The following ASIC2 variants were observed in gnomAD, a reference collection of about 807,000 sequenced individuals.
The protein encoded by ASIC2 is acid sensing ion channel subunit 2.
Under a neutral mutation model 57.3 loss-of-function variants are expected in ASIC2, and 25 were observed. The ratio of observed to expected loss-of-function variants is 0.44; its 90% CI spans 0.32 to 0.61. ASIC2 has a LOEUF of 0.61. Ranked by LOEUF, ASIC2 falls within the 20% of genes least tolerant of loss-of-function variation. ASIC2 has a pLI of 0.06. For missense variants in ASIC2, 641 were observed against 738.1 expected (o/e 0.87, Z 1.52); for synonymous variants, 319 against 307.5 (o/e 1.04, Z -0.39).
chr17:33,329,727 T>G (rs1485358256), intron 1 of ASIC2, among the ~76,000 whole-genome samples: 5 of 152,216 alleles, frequency 3.3e-5, no homozygotes, highest in Non-Finnish European at 5.9e-5. Flanking sequence ...TCACTTATCC[T>G]CTTTCAGTTC....
chr17:33,944,073 T>A (rs1316591393), intron 1 of ASIC2, among the ~76,000 whole-genome samples: 1 of 152,204 alleles, frequency 6.6e-6, no homozygotes, highest in Non-Finnish European at 1.5e-5. Flanking sequence ...AATTCTTGTC[T>A]TGAGGTTTTC....
At chr17:33,250,306 G>C (rs910769362) in intron 1 of ASIC2, among the ~76,000 whole-genome samples, 6 of 152,222 alleles carry the variant, frequency 3.9e-5, no homozygotes, top group African/African-American at 9.6e-5. Context: ...AGGAGCTGGG[G>C]TGTGGGTGGC....
intron 1 of ASIC2, among the ~76,000 whole-genome samples, chr17:33,647,923 G>C (rs1906796726): frequency 6.6e-6 from 1 of 152,158 alleles, no homozygotes; most frequent in Non-Finnish European, 1.5e-5. Flanking sequence ...CCTGGGAGAA[G>C]GGTCCTGGAT....
intron 1 of ASIC2, among the ~76,000 whole-genome samples, chr17:33,889,544 T>A (rs918405239): frequency 6.7e-6 from 1 of 149,288 alleles, no homozygotes; most frequent in Non-Finnish European, 1.5e-5. Flanking sequence ...TGGAAAACAA[T>A]TCTCTCAGTT....
chr17:33,573,719 C>T (rs1037154886), intron 1 of ASIC2, among the ~76,000 whole-genome samples: 1 of 152,136 alleles, frequency 6.6e-6, no homozygotes, highest in Non-Finnish European at 1.5e-5. Context: ...GTGCATACCA[C>T]CACGCCCCGC....
chr17:34,065,968 G>A (rs186957416), intron 1 of ASIC2, among the ~76,000 whole-genome samples: 9 of 152,196 alleles, frequency 5.9e-5, no homozygotes, highest in African/African-American at 2.2e-4. Flanking sequence ...GATAGTATTA[G>A]AACTGTCCAC....
At chr17:33,798,277 G>A (rs1277096847) in intron 1 of ASIC2, among the ~76,000 whole-genome samples, 1 of 152,202 alleles carries the variant, frequency 6.6e-6, no homozygotes, top group Non-Finnish European at 1.5e-5. Context: ...ATTCCTTAGA[G>A]CAGGTGTTTA....
chr17:33,675,009 G>T (rs1367987827), intron 1 of ASIC2, among the ~76,000 whole-genome samples: 2 of 152,132 alleles, frequency 1.3e-5, no homozygotes, highest in African/African-American at 4.8e-5. Flanking sequence ...GATAAACAAA[G>T]GTGGGCACTT....
intron 1 of ASIC2, among the ~76,000 whole-genome samples, chr17:33,542,430 T>C (rs1258705695): frequency 8.2e-6 from 1 of 121,996 alleles, no homozygotes; most frequent in Non-Finnish European, 1.7e-5. Context: ...TTTTTAATGA[T>C]TGCCATTCTA....
intron 3 of ASIC2, among the ~76,000 whole-genome samples, chr17:33,031,961 T>C (rs1257878863): frequency 6.6e-6 from 1 of 152,242 alleles, no homozygotes; most frequent in Non-Finnish European, 1.5e-5. Flanking sequence ...TTCATCCTTC[T>C]ACTTTTAACT....
At chr17:33,016,098 G>T in intron 8 of ASIC2, 59 bp from the exon 9 acceptor site, 1 of 1,562,106 alleles carries the variant, frequency 6.4e-7, no homozygotes, top group Admixed American at 1.7e-5. Context: ...AGGCAGAAGG[G>T]ACCTCCCTCC....
At chr17:33,489,924 C>T (rs962282291) in intron 1 of ASIC2, among the ~76,000 whole-genome samples, 18 of 152,152 alleles carry the variant, frequency 1.2e-4, no homozygotes, top group South Asian at 2.1e-4. Context: ...GAAATAAGAA[C>T]GCGAGCCCAC....
intron 1 of ASIC2, among the ~76,000 whole-genome samples, chr17:33,228,919 C>T (rs927315938): frequency 6.6e-5 from 10 of 152,198 alleles, no homozygotes; most frequent in African/African-American, 2.4e-4. Context: ...CTCAGAGCTG[C>T]TAAGACAGAA....
chr17:33,111,983 C>T lies in ASIC2; in HGVS notation c.793G>A (p.Gly265Ser), dbSNP rs776377083. ...PLLTTVKGGT[G>S]NGLEIMLDIQ... ...TCCAGCATGATCTCCAGCCCGTTGCCTGTCCCCCCCTTGACCGTGGTGAGC... is the reference window on the plus strand; with the variant it reads ...TCCAGCATGATCTCCAGCCCGTTGCTTGTCCCCCCCTTGACCGTGGTGAGC... Residue 265 changes from glycine (G) to serine (S), a missense_variant, in exon 2 of 10, where the codon GGC (glycine) becomes AGC (serine). Physicochemically the swap from Gly to Ser is moderately conservative, Grantham distance 56. This residue lies in a region of ASIC2 where 382 missense variants were observed against 398.0 expected (regional missense o/e 0.96). Coordinates refer to ENST00000225823, the MANE Select transcript of ASIC2 (RefSeq NM_183377.2). 5.6e-6 allele frequency: 9 copies of T among 1,614,128 alleles called. No individual in the cohort carries two copies. The East Asian group carries it at 1.6e-4, about 28-fold the overall frequency.
intron 1 of ASIC2, among the ~76,000 whole-genome samples, chr17:33,508,688 G>A (rs760068902): frequency 3.9e-5 from 6 of 152,202 alleles, no homozygotes; most frequent in Admixed American, 1.3e-4. Flanking sequence ...GTAGGAGCTT[G>A]AAGAGCATTT....
chr17:33,894,283 G>A (rs899518290), intron 1 of ASIC2, among the ~76,000 whole-genome samples: 1 of 151,970 alleles, frequency 6.6e-6, no homozygotes, highest in African/African-American at 2.4e-5. Flanking sequence ...CTGGGCTTAT[G>A]GGGAGGAAGA....
At chr17:33,662,758 CTTCT>C (rs1907330533) in intron 1 of ASIC2, among the ~76,000 whole-genome samples, 4 of 142,694 alleles carry the variant, frequency 2.8e-5, no homozygotes, top group Admixed American at 2.1e-4. Context: ...TCCTTCCTTC[CTTCT>C]TTCTTCCTAC....
intron 1 of ASIC2, among the ~76,000 whole-genome samples, chr17:33,887,614 G>T (rs2141944655): frequency 6.6e-6 from 1 of 152,268 alleles, no homozygotes; most frequent in South Asian, 2.1e-4. Context: ...GAGACCTTTT[G>T]TGGTTCTGGG....
chr17:33,279,511 T>C (rs1597663726), intron 1 of ASIC2, among the ~76,000 whole-genome samples: 1 of 152,318 alleles, frequency 6.6e-6, no homozygotes, highest in East Asian at 1.9e-4. Flanking sequence ...GGTGCTTTCC[T>C]GGCTTGTTGG....
Sources: gnomAD v4.1 joint callset for allele counts (sites outside exome capture counted in the v4.1 genomes callset) on GRCh38, gnomAD v4.1.1 for gene constraint, gnomAD v4.1.1 regional missense constraint, MANE v1.5 for transcripts, NCBI Gene and HGNC (gene_info 2026-07-23, HGNC 2026-07-21) for gene names.